Variants in CCDC91 observed in about 807,000 individuals in gnomAD.
CCDC91 encodes coiled-coil domain-containing protein 91.
Under a neutral mutation model 63.2 loss-of-function variants are expected in CCDC91, and 48 were observed. The observed-to-expected ratio is 0.76, with a 90% confidence interval of 0.60 to 0.97. CCDC91 has a LOEUF of 0.97. Among genes scored for constraint, CCDC91 ranks in the 50% least tolerant of loss-of-function variants. The pLI is 0.00. For missense variants in CCDC91, 500 were observed against 494.6 expected (o/e 1.01, Z -0.10); for synonymous variants, 167 against 165.8 (o/e 1.01, Z -0.06).
Position 28,450,387 on chromosome 12 carries a change from GA to G in CCDC91, c.896del (p.Asn299IlefsTer5). On this transcript the variant is annotated frameshift_variant, in exon 10 of 13. Transcript: ENST00000536442. LOFTEE classifies it high-confidence loss of function. ...AAGTGTTTGGAGGAAGAAAGGCAAA[GA>G]AATAAAGAGGCATTAGTATCCGCTG... The part of the protein sequence containing the change: ...LEKCLEEERQ[R>X]NKEALVSAAK... The G allele has an allele frequency of 1.2e-6, 2 of 1,612,156 alleles. No homozygotes were observed. The highest frequency in any genetic ancestry group is 1.7e-6 in the Non-Finnish European group (2 of 1,178,586).
rs558670725 is a variant in CCDC91 at position 28,520,832 on chromosome 12, G to A, written c.1216-28231G>A. On this transcript the variant is annotated intron_variant, in intron 12 of 12. Coordinates refer to ENST00000536442, the MANE Select transcript of CCDC91 (RefSeq NM_018318.5). Reference sequence around the variant, plus strand: ...AGCACCATTCATTAAATAGGGAATCGTTTCCCCATTTCTTGTTTTTGTCAG... The same window carrying A: ...AGCACCATTCATTAAATAGGGAATCATTTCCCCATTTCTTGTTTTTGTCAG... Among the ~76,000 whole-genome samples, 318 of 152,012 alleles carry A rather than the reference G, an allele frequency of 2.1e-3. 1 individual carries two copies. Among genetic ancestry groups the A allele is most frequent in the African/African-American group, 7.2e-3 (298 of 41,506 alleles).
At chr12:28,501,639 G>A (rs1400860131) in intron 12 of CCDC91, among the ~76,000 whole-genome samples, 4 of 151,552 alleles carry the variant, frequency 2.6e-5, no homozygotes, top group African/African-American at 9.7e-5. Context: ...TTGCATCAAT[G>A]TTCATCAAGG....
intron 12 of CCDC91, among the ~76,000 whole-genome samples, chr12:28,546,512 A>G (rs1392530516): frequency 2.0e-5 from 3 of 152,124 alleles, no homozygotes; most frequent in African/African-American, 7.2e-5. Context: ...AAGCTGATTT[A>G]TAATTGGAGG....
chr12:28,378,287 G>A (rs956956259), intron 7 of CCDC91, among the ~76,000 whole-genome samples: 1 of 152,072 alleles, frequency 6.6e-6, no homozygotes, highest in Non-Finnish European at 1.5e-5. Flanking sequence ...TTGAATTTTA[G>A]CAATGTAAAA....
chr12:28,252,510 C>T (rs1946190783), intron 1 of CCDC91, among the ~76,000 whole-genome samples: 1 of 151,676 alleles, frequency 6.6e-6, no homozygotes, highest in Non-Finnish European at 1.5e-5. Flanking sequence ...ATTTTATTTT[C>T]TATCCGGCAG....
chr12:28,401,554 A>C (rs1310616372), intron 8 of CCDC91, among the ~76,000 whole-genome samples: 1 of 152,168 alleles, frequency 6.6e-6, no homozygotes, highest in Non-Finnish European at 1.5e-5. Flanking sequence ...AACAGGAAAG[A>C]GAATAAGTGC....
chr12:28,417,369 T>C (rs1235831553), intron 8 of CCDC91, among the ~76,000 whole-genome samples: 1 of 152,066 alleles, frequency 6.6e-6, no homozygotes, highest in Admixed American at 6.6e-5. Context: ...AACAATTCTG[T>C]TACCCCAAAA....
intron 7 of CCDC91, among the ~76,000 whole-genome samples, chr12:28,363,885 A>AT (rs1944081500): frequency 6.6e-6 from 1 of 150,532 alleles, no homozygotes; most frequent in Admixed American, 6.6e-5. Flanking sequence ...TGAAAAAAAA[A>AT]AAAAAAAAAA....
intron 12 of CCDC91, among the ~76,000 whole-genome samples, chr12:28,518,656 A>G (rs1940232918): frequency 6.6e-6 from 1 of 151,918 alleles, no homozygotes; most frequent in Non-Finnish European, 1.5e-5. Flanking sequence ...CTTTAGTTTA[A>G]TTAAGTCCCA....
At chr12:28,371,408 C>G (rs1045494123) in intron 7 of CCDC91, among the ~76,000 whole-genome samples, 2 of 152,164 alleles carry the variant, frequency 1.3e-5, no homozygotes, top group African/African-American at 4.8e-5. Context: ...ATCCTGAAAC[C>G]ATCCGCTTTA....
At chr12:28,254,886 C>T (rs1346488279) in intron 1 of CCDC91, among the ~76,000 whole-genome samples, 1 of 151,680 alleles carries the variant, frequency 6.6e-6, no homozygotes. Context: ...ATTCTTCTAC[C>T]TCAGCCCCAC....
intron 11 of CCDC91, among the ~76,000 whole-genome samples, chr12:28,476,060 C>A (rs1381593464): frequency 1.3e-5 from 2 of 151,942 alleles, no homozygotes; most frequent in African/African-American, 4.8e-5. Flanking sequence ...TCATTACCCC[C>A]AAATCACTCT....
At chr12:28,537,718 C>G (rs999743104) in intron 12 of CCDC91, among the ~76,000 whole-genome samples, 2 of 152,146 alleles carry the variant, frequency 1.3e-5, no homozygotes, top group African/African-American at 4.8e-5. Flanking sequence ...ATTAAGGCTA[C>G]AAAAATGACT....
chr12:28,245,508 A>C (rs934195525), intron 1 of CCDC91, among the ~76,000 whole-genome samples: 5 of 152,168 alleles, frequency 3.3e-5, no homozygotes, highest in Admixed American at 1.3e-4. Context: ...TAGATTAAGA[A>C]TTTCTGTTCA....
chr12:28,391,229 C>G, intron 7 of CCDC91, 75 bp from the exon 8 acceptor site: 1 of 831,122 alleles, frequency 1.2e-6, no homozygotes, highest in South Asian at 1.5e-5. Context: ...GTACAACTGT[C>G]AAAAATATTC....
intron 12 of CCDC91, among the ~76,000 whole-genome samples, chr12:28,536,969 A>G (rs1242871226): frequency 2.0e-5 from 3 of 152,160 alleles, no homozygotes; most frequent in African/African-American, 7.2e-5. Context: ...CTGCCAATCA[A>G]AATTATTCTG....
intron 1 of CCDC91, among the ~76,000 whole-genome samples, chr12:28,200,688 A>C (rs910474950): frequency 6.6e-6 from 1 of 151,856 alleles, no homozygotes; most frequent in Non-Finnish European, 1.5e-5. Flanking sequence ...CTACACAGAC[A>C]CAGCAACCAT....
At chr12:28,261,068 T>C (rs1264358844) in intron 3 of CCDC91, among the ~76,000 whole-genome samples, 1 of 152,020 alleles carries the variant, frequency 6.6e-6, no homozygotes, top group African/African-American at 2.4e-5. Flanking sequence ...AAAAGAGTTA[T>C]CAGCAGGACT....
intron 3 of CCDC91, among the ~76,000 whole-genome samples, chr12:28,260,386 A>G (rs1592131513): frequency 6.6e-6 from 1 of 151,942 alleles, no homozygotes; most frequent in East Asian, 1.9e-4. Context: ...TTGAAGGGAG[A>G]AAGATAAATG....
Sources: allele counts gnomAD v4.1 joint callset (sites outside exome capture counted in the v4.1 genomes callset), GRCh38; gene constraint gnomAD v4.1.1; transcripts MANE v1.5; gene names NCBI Gene and HGNC (gene_info 2026-07-23, HGNC 2026-07-21).